MTA1: variants seen among roughly 807,000 people sequenced by gnomAD.
MTA1 encodes the protein metastasis-associated protein MTA1.
Under a neutral mutation model 97.0 loss-of-function variants are expected in MTA1, and 15 were observed. That is an observed-to-expected ratio of 0.15 (90% CI 0.10 to 0.24). The LOEUF (loss-of-function observed/expected upper bound fraction) is 0.24. Ranked by LOEUF, MTA1 falls within the 10% of genes least tolerant of loss-of-function variation. MTA1 has a pLI of 1.00. For missense variants in MTA1, 709 were observed against 1,015.1 expected, an observed-to-expected ratio of 0.70 and a Z score of 4.10; for synonymous variants, 435 against 417.5, an observed-to-expected ratio of 1.04 and a Z score of -0.51.
At position 105,465,247 on chromosome 14, in the gene MTA1, C is replaced by T. The variant is rs587639633; in HGVS notation, c.1624+64C>T. 1.1e-4 allele frequency: 156 copies of T among 1,398,862 alleles called. 1 individual carries two copies. The East Asian group carries it at 3.4e-3, about 30-fold the overall frequency. The allele number at this position is 1,398,862 out of a possible 1,614,324, so 86.7% of individuals were successfully genotyped here. ...CTGCAGGCAGCTTCTCACCCAAGCT[C>T]ATGCACTGGTGCTCCCAGCCTTCTC... On this transcript the variant is annotated intron_variant, in intron 16 of 20. Transcript: ENST00000331320.
chr14:105,463,355 G>C lies in MTA1; in HGVS notation c.1017+97G>C, dbSNP rs587615638. 2 of 1,516,712 alleles carry C rather than the reference G, an allele frequency of 1.3e-6. 1 individual carries two copies. Among genetic ancestry groups the C allele is most frequent in the South Asian group, 2.3e-5 (2 of 88,436 alleles). 94.0% of individuals were successfully genotyped at this position (1,516,712 alleles called of 1,614,324 possible). ...GTGGGCGTGCACTGCTGCAGCAGGA[G>C]GGGAAGGAAGACTCCTGAGTCCCTG... is the stretch of plus-strand genomic sequence containing the variant. On this transcript the variant is annotated intron_variant, in intron 11 of 20. Coordinates refer to ENST00000331320, the MANE Select transcript of MTA1 (RefSeq NM_004689.4). The surrounding 1 kb of genome is among the most constrained non-coding windows in gnomAD (Gnocchi z 5.9).
In MTA1 at chr14:105,424,968, T is replaced by C. The variant is rs1284757621; in HGVS notation, c.28+4905T>C. Among the ~76,000 whole-genome samples, 2 of 152,248 alleles carry C rather than the reference T, an allele frequency of 1.3e-5. No individual in the cohort carries two copies. The highest frequency in any genetic ancestry group is 2.9e-5 in the Non-Finnish European group (2 of 68,032). The stretch of plus-strand genomic sequence containing the variant: ...TGTGGGTTCTGGGTGTCAAAACTGC[T>C]GCAGTGGCCCTGCAGGCATCCTACC... On this transcript the variant is annotated intron_variant, in intron 1 of 20. Transcript: ENST00000331320. This position sits in a 1 kb window ranked among gnomAD's most constrained non-coding sequence, Gnocchi z 4.0.
intron 2 of MTA1, among the ~76,000 whole-genome samples, chr14:105,441,809 T>TA (rs2082542408): frequency 6.6e-6 from 1 of 151,278 alleles, no homozygotes; most frequent in Non-Finnish European, 1.5e-5. Flanking sequence ...AATAAAAAAG[T>TA]AAAAAAGGAA....
rs150442866 is a variant in MTA1, at chr14:105,425,306, G to A, written c.28+5243G>A. Among the ~76,000 whole-genome samples the A allele has an allele frequency of 8.5e-4, 129 of 152,104 alleles. 4 individuals are homozygous for A. In the East Asian group the frequency reaches 0.013, roughly 16 times the overall value. ...GTAATTATGTTTTTTTTGAGACAGG[G>A]TCTCCTGTTGCCCAGGCTGGAGTGC... On this transcript the variant is annotated intron_variant, in intron 1 of 20. Coordinates refer to ENST00000331320, the MANE Select transcript of MTA1 (RefSeq NM_004689.4).
intron 18 of MTA1, chr14:105,467,013 C>G (rs998708230): frequency 1.8e-6 from 1 of 556,528 alleles, no homozygotes; most frequent in Non-Finnish European, 3.2e-6. Context: ...CCCCTGCCTG[C>G]GCTGTCTGCC....
At position 105,420,189 on chromosome 14, in the gene MTA1, G is replaced by C. The variant is rs1325919411; in HGVS notation, c.28+126G>C. On this transcript the variant is annotated intron_variant, in intron 1 of 20. Transcript: ENST00000331320. The surrounding 1 kb of genome is among the most constrained non-coding windows in gnomAD (Gnocchi z 5.3). Reference sequence around the variant, plus strand: ...CCCCCGCCCGCCCTCGCGGCCCCCGGCTCCTTCCCGAACCGCCCCCCGCCG... The same window carrying C: ...CCCCCGCCCGCCCTCGCGGCCCCCGCCTCCTTCCCGAACCGCCCCCCGCCG... 4.6e-6 allele frequency: 2 copies of C among 431,298 alleles called. No individual in the cohort carries two copies. The highest frequency in any genetic ancestry group is 4.3e-5 in the African/African-American group (2 of 45,986). The allele number at this position is 431,298 out of a possible 1,614,324, so 26.7% of individuals were successfully genotyped here.
At position 105,422,837 on chromosome 14, in the gene MTA1, T is replaced by C. The variant is rs587675035; in HGVS notation, c.28+2774T>C. ...CAGGGCCTGTTTCTTCCCCATGGAG[T>C]GCCCTGGCCACGGACAGAGGCCTTC... On this transcript the variant is annotated intron_variant, in intron 1 of 20. Coordinates refer to ENST00000331320, the MANE Select transcript of MTA1 (RefSeq NM_004689.4). The surrounding 1 kb of genome is among the most constrained non-coding windows in gnomAD (Gnocchi z 4.3). Among the ~76,000 whole-genome samples, 1 of 152,106 alleles carries C rather than the reference T, an allele frequency of 6.6e-6. No individual in the cohort carries two copies. The highest frequency in any genetic ancestry group is 2.4e-5 in the African/African-American group (1 of 41,498).
At chr14:105,428,385 G>A (rs1157683220) in intron 1 of MTA1, among the ~76,000 whole-genome samples, 1 of 152,012 alleles carries the variant, frequency 6.6e-6, no homozygotes, top group Non-Finnish European at 1.5e-5. Context: ...CCACCTCCCA[G>A]GCTCAAGTGA....
At chr14:105,446,787 C>G (rs1489630088) in intron 3 of MTA1, among the ~76,000 whole-genome samples, 1 of 152,236 alleles carries the variant, frequency 6.6e-6, no homozygotes, top group Non-Finnish European at 1.5e-5. Flanking sequence ...GCCCCCGAGC[C>G]TGGGTCCACT....
chr14:105,431,309 CACCTTG>C (rs1555423295), intron 1 of MTA1, among the ~76,000 whole-genome samples: 1 of 152,186 alleles, frequency 6.6e-6, no homozygotes. Flanking sequence ...GTGATCCACC[CACCTTG>C]GCCTCCCAAA....
chr14:105,450,913 G>A (rs2082902440), intron 6 of MTA1, among the ~76,000 whole-genome samples: 1 of 152,236 alleles, frequency 6.6e-6, no homozygotes, highest in Non-Finnish European at 1.5e-5. Context: ...CAGCGAACGG[G>A]AGGGTTGGGT....
At chr14:105,460,993 GC>G in intron 10 of MTA1, 40 bp downstream of exon 10, 1 of 1,578,810 alleles carries the variant, frequency 6.3e-7, no homozygotes. Context: ...GGCTGGCCAT[GC>G]CCATCTCCAG....
At position 105,463,439 on chromosome 14, in the gene MTA1, C is replaced by T. The variant is rs2083438978; in HGVS notation, c.1018-54C>T. On this transcript the variant is annotated intron_variant, in intron 11 of 20. Transcript: ENST00000331320. The surrounding 1 kb of genome is among the most constrained non-coding windows in gnomAD (Gnocchi z 5.9). Reference sequence around the variant, plus strand: ...CGTAGCCTCCAGCCTGTCTGCACTGCAGCCCCAACCTGGGCCTAGCCTGCT... The same window carrying T: ...CGTAGCCTCCAGCCTGTCTGCACTGTAGCCCCAACCTGGGCCTAGCCTGCT... The T allele has an allele frequency of 1.9e-6, 3 of 1,588,596 alleles. No individual in the cohort carries two copies. The highest frequency in any genetic ancestry group is 2.2e-5 in the East Asian group (1 of 44,750).
chr14:105,432,914 C>T (rs900356654), intron 1 of MTA1, among the ~76,000 whole-genome samples: 8 of 152,228 alleles, frequency 5.3e-5, no homozygotes, highest in South Asian at 4.1e-4. Flanking sequence ...AGGGAAACGT[C>T]GACATTTCAA....
Position 105,463,338 on chromosome 14 carries a change from G to C in MTA1, c.1017+80G>C, listed in dbSNP as rs998725746. The C allele has an allele frequency of 3.2e-5, 49 of 1,537,298 alleles. No individual in the cohort carries two copies. The highest frequency in any genetic ancestry group is 1.4e-5 in the African/African-American group (1 of 73,332). On this transcript the variant is annotated intron_variant, in intron 11 of 20. Coordinates refer to ENST00000331320, the MANE Select transcript of MTA1 (RefSeq NM_004689.4). This position sits in a 1 kb window ranked among gnomAD's most constrained non-coding sequence, Gnocchi z 5.9. ...CCATCCTCTCCCAGCAGGTGGGCGTGCACTGCTGCAGCAGGAGGGGAAGGA... is the reference window on the plus strand; with the variant it reads ...CCATCCTCTCCCAGCAGGTGGGCGTCCACTGCTGCAGCAGGAGGGGAAGGA...
chr14:105,460,469 C>G lies in MTA1; in HGVS notation c.753+12C>G. On this transcript the variant is annotated intron_variant, in intron 9 of 20. Transcript: ENST00000331320. Reference sequence around the variant, plus strand: ...GAGACATCACCCTGGTAAGTGGGCCCAGGGCGGGACAGGTGAGACCTGGGG... The same window carrying G: ...GAGACATCACCCTGGTAAGTGGGCCGAGGGCGGGACAGGTGAGACCTGGGG... 4.4e-6 allele frequency: 7 copies of G among 1,597,794 alleles called. No homozygotes were observed. Among genetic ancestry groups the G allele is most frequent in the Non-Finnish European group, 6.0e-6 (7 of 1,173,124 alleles).
At chr14:105,453,744 G>A (rs1555429206) in intron 6 of MTA1, among the ~76,000 whole-genome samples, 1 of 152,190 alleles carries the variant, frequency 6.6e-6, no homozygotes, top group Non-Finnish European at 1.5e-5. Context: ...CCGGGAAACG[G>A]AGGTTGCAGT....
rs2082329044 is a variant in MTA1, at chr14:105,436,521, C to T, written c.29-2151C>T. Among the ~76,000 whole-genome samples the T allele has an allele frequency of 3.3e-5, 5 of 152,214 alleles. No individual in the cohort carries two copies. The South Asian group carries it at 1.0e-3, about 32-fold the overall frequency. ...CAAATTCCCAAATTCTCACGTCTTC[C>T]ACATCTTGGTTTTCCTGCGCCAGCA... On this transcript the variant is annotated intron_variant, in intron 1 of 20. Coordinates refer to ENST00000331320, the MANE Select transcript of MTA1 (RefSeq NM_004689.4).
intron 1 of MTA1, among the ~76,000 whole-genome samples, chr14:105,428,337 T>G (rs1287761078): frequency 6.6e-6 from 1 of 152,112 alleles, no homozygotes; most frequent in Non-Finnish European, 1.5e-5. Flanking sequence ...GTCACCCAGG[T>G]TGGAGTGCAG....
Sources: gnomAD v4.1 joint callset for allele counts (sites outside exome capture counted in the v4.1 genomes callset) on GRCh38, gnomAD v4.1.1 for gene constraint, Gnocchi (gnomAD v3.1) non-coding constraint, MANE v1.5 for transcripts, NCBI Gene and HGNC (gene_info 2026-07-23, HGNC 2026-07-21) for gene names.